The following MCC variants were observed in gnomAD, a reference collection of about 807,000 sequenced individuals.
The protein encoded by MCC is colorectal mutant cancer protein.
A neutral mutation model predicts 116.2 loss-of-function variants in MCC; 90 were observed. The observed-to-expected ratio is 0.77, with a 90% CI of 0.65 to 0.92. The LOEUF is 0.92. Among genes scored for constraint, MCC ranks in the 40% least tolerant of loss-of-function variants. The pLI, the probability that MCC is intolerant of heterozygous loss-of-function variation, is 0.00. For missense variants in MCC, 1,516 were observed against 1,312.2 expected (o/e 1.16, Z -2.40); for synonymous variants, 578 against 510.5 (o/e 1.13, Z -1.78).
intron 3 of MCC, among the ~76,000 whole-genome samples, chr5:113,279,742 C>A (rs185513368): frequency 2.4e-3 from 369 of 152,234 alleles, no homozygotes; most frequent in African/African-American, 8.7e-3. Context: ...ATCAGAGTAT[C>A]AATGGACAAT....
chr5:113,064,059 C>T lies in MCC; in HGVS notation c.2138G>A (p.Ser713Asn). The change falls in exon 14 of 19, where the codon AGC becomes AAC. Residue 713 changes from serine to asparagine, a missense_variant. Transcript: ENST00000408903. ...GGCCACGGCAAAGGCTCCCCCACAGCTGCCGTCCAGCTTCATGAGCAGGGC... is the reference window on the plus strand; with the variant it reads ...GGCCACGGCAAAGGCTCCCCCACAGTTGCCGTCCAGCTTCATGAGCAGGGC... Reference protein sequence around the residue: ...AKALLMKLDGSCGGAFAVAGC... With the variant: ...AKALLMKLDGNCGGAFAVAGC... 1.2e-6 allele frequency: 2 copies of T among 1,614,218 alleles called. No individual in the cohort carries two copies. The highest frequency in any genetic ancestry group is 1.7e-6 in the Non-Finnish European group (2 of 1,180,032).
At chr5:113,234,762 T>C (rs1459844574) in intron 3 of MCC, 1 of 152,224 alleles carries the variant, frequency 6.6e-6, no homozygotes, top group Non-Finnish European at 1.5e-5. Flanking sequence ...CATAATACTA[T>C]ACTTCTTCAC....
At chr5:113,102,231 G>A (rs1262750360) in intron 7 of MCC, among the ~76,000 whole-genome samples, 1 of 152,188 alleles carries the variant, frequency 6.6e-6, no homozygotes, top group Non-Finnish European at 1.5e-5. Context: ...GGTGCTAGCT[G>A]ACACATCCAC....
chr5:113,194,378 C>T (rs1036167669), intron 3 of MCC, among the ~76,000 whole-genome samples: 1 of 152,166 alleles, frequency 6.6e-6, no homozygotes, highest in Admixed American at 6.5e-5. Flanking sequence ...ACTCAAAAGG[C>T]CTCCTGGTCT....
chr5:113,027,242 T>C lies in MCC; in HGVS notation c.*60A>G. ...CCCAACAAGTACATGGGCCCTTCTG[T>C]CCCCAGTGGCCTGCTGCAGTTTACT... is the stretch of plus-strand genomic sequence containing the variant. On this transcript the variant is annotated 3_prime_UTR_variant, in exon 19 of 19. Coordinates refer to ENST00000408903, the MANE Select transcript of MCC (RefSeq NM_001085377.2). 6.4e-7 allele frequency: 1 copy of C among 1,565,984 alleles called. No individual in the cohort carries two copies. The highest frequency in any genetic ancestry group is 8.7e-7 in the Non-Finnish European group (1 of 1,147,824).
At chr5:113,121,480 C>A (rs1269945850) in intron 6 of MCC, among the ~76,000 whole-genome samples, 1 of 152,160 alleles carries the variant, frequency 6.6e-6, no homozygotes, top group East Asian at 1.9e-4. Context: ...GCATTCCTCT[C>A]CCTCACTGGA....
chr5:113,365,983 G>A (rs1164651263), intron 2 of MCC, among the ~76,000 whole-genome samples: 1 of 152,006 alleles, frequency 6.6e-6, no homozygotes, highest in African/African-American at 2.4e-5. Flanking sequence ...CCAACACTTG[G>A]GATTACAATT....
intron 1 of MCC, among the ~76,000 whole-genome samples, chr5:113,426,719 C>T (rs1226988491): frequency 6.6e-6 from 1 of 152,108 alleles, no homozygotes; most frequent in East Asian, 1.9e-4. Flanking sequence ...AGCCACCCAC[C>T]CCAGAATTCG....
intron 16 of MCC, 122 bp from the exon 17 acceptor site, chr5:113,043,752 G>A (rs563383259): frequency 1.0e-3 from 677 of 649,030 alleles, no homozygotes; most frequent in Non-Finnish European, 1.5e-3. Context: ...ACCGGGTGGC[G>A]CCCTCAGGTC....
intron 2 of MCC, among the ~76,000 whole-genome samples, chr5:113,384,008 T>G (rs534110541): frequency 2.6e-4 from 39 of 152,128 alleles, no homozygotes; most frequent in South Asian, 4.1e-4. Context: ...ACCCTGAAAA[T>G]TCAGATACTT....
intron 3 of MCC, among the ~76,000 whole-genome samples, chr5:113,286,335 T>C (rs946204491): frequency 1.3e-5 from 2 of 152,192 alleles, no homozygotes; most frequent in Admixed American, 6.5e-5. Flanking sequence ...GAGGCCTCCA[T>C]TCCTTTTCTA....
intron 3 of MCC, among the ~76,000 whole-genome samples, chr5:113,175,156 G>A (rs1197514464): frequency 1.3e-5 from 2 of 152,170 alleles, no homozygotes; most frequent in African/African-American, 2.4e-5. Context: ...GCTTTGAAAG[G>A]AGAGGCTAAT....
At chr5:113,458,255 C>T (rs936457175) in intron 1 of MCC, among the ~76,000 whole-genome samples, 14 of 152,082 alleles carry the variant, frequency 9.2e-5, no homozygotes, top group South Asian at 2.1e-4. Context: ...ACACTCACTG[C>T]GAAGGTCTGC....
intron 3 of MCC, among the ~76,000 whole-genome samples, chr5:113,201,917 C>G (rs780645082): frequency 2.6e-4 from 40 of 152,250 alleles, no homozygotes; most frequent in Admixed American, 1.2e-3. Context: ...GTCAGGCAGG[C>G]TACACTCACT....
chr5:113,090,485 A>G (rs532014671), intron 8 of MCC, among the ~76,000 whole-genome samples: 1 of 152,368 alleles, frequency 6.6e-6, no homozygotes, highest in East Asian at 1.9e-4. Context: ...AGTACAAAAT[A>G]AAAAAGGATT....
intron 1 of MCC, among the ~76,000 whole-genome samples, chr5:113,460,626 T>C (rs192086528): frequency 2.6e-4 from 39 of 152,300 alleles, no homozygotes; most frequent in Non-Finnish European, 5.1e-4. Flanking sequence ...GTGTGCCTTG[T>C]GCTCACAGAG....
At chr5:113,304,284 T>C (rs1766929916) in intron 3 of MCC, among the ~76,000 whole-genome samples, 1 of 152,222 alleles carries the variant, frequency 6.6e-6, no homozygotes, top group Non-Finnish European at 1.5e-5. Flanking sequence ...TTAGTCTATG[T>C]TTAAAACTGG....
chr5:113,273,707 A>G (rs1242395279), intron 3 of MCC, among the ~76,000 whole-genome samples: 1 of 151,956 alleles, frequency 6.6e-6, no homozygotes, highest in Non-Finnish European at 1.5e-5. Context: ...GCTGTACTAA[A>G]TAAGGGTATT....
At chr5:113,132,671 G>A (rs971802158) in intron 5 of MCC, among the ~76,000 whole-genome samples, 2 of 151,992 alleles carry the variant, frequency 1.3e-5, no homozygotes, top group Admixed American at 1.3e-4. Context: ...ATTCCTCAAG[G>A]GCCTAGCCCT....
Sources: gnomAD v4.1 joint callset for allele counts (sites outside exome capture counted in the v4.1 genomes callset) on GRCh38, gnomAD v4.1.1 for gene constraint, MANE v1.5 for transcripts, NCBI Gene and HGNC (gene_info 2026-07-23, HGNC 2026-07-21) for gene names.